The following KPNB1 variants were observed in gnomAD, a reference collection of about 807,000 sequenced individuals.
KPNB1 encodes karyopherin subunit beta 1, also known as importin subunit beta-1.
KPNB1 carries 7 observed loss-of-function variants against 113.0 expected under a neutral mutation model. That is an observed-to-expected ratio of 0.06 (90% CI 0.04 to 0.12). KPNB1 has a LOEUF of 0.12. Among genes scored for constraint, KPNB1 ranks in the 10% least tolerant of loss-of-function variants. KPNB1 has a pLI of 1.00. For synonymous variants in KPNB1, 363 were observed against 378.6 expected, an observed-to-expected ratio of 0.96 and a Z score of 0.48; for missense variants, 400 against 1,054.8, an observed-to-expected ratio of 0.38 and a Z score of 8.60.
chr17:47,677,929 A>T, intron 17 of KPNB1, 117 bp from the exon 18 acceptor site: 1 of 1,057,108 alleles, frequency 9.5e-7, no homozygotes, highest in East Asian at 2.4e-5. Flanking sequence ...TTTGTAAGCT[A>T]TAAAGGACCA....
At chr17:47,664,337 C>T (rs889257182) in intron 8 of KPNB1, 68 bp downstream of exon 8, 27 of 1,024,706 alleles carry the variant, frequency 2.6e-5, no homozygotes, top group East Asian at 2.4e-5. Flanking sequence ...TGATGTTCCC[C>T]TTCTAGGAGA....
chr17:47,651,452 C>A, intron 2 of KPNB1: 2 of 610,916 alleles, frequency 3.3e-6, no homozygotes, highest in Non-Finnish European at 4.1e-6. Flanking sequence ...TCAACATCAA[C>A]AAAGTGACAA....
Position 47,677,077 on chromosome 17 carries a change from A to G in KPNB1, c.2053A>G (p.Ile685Val). 6.2e-7 allele frequency: 1 copy of G among 1,614,146 alleles called. No homozygotes were observed. Among genetic ancestry groups the G allele is most frequent in the Non-Finnish European group, 8.5e-7 (1 of 1,180,022 alleles). ...GDLCRALQSNIIPFCDEVMQL... is the reference protein window; with the variant it reads ...GDLCRALQSNVIPFCDEVMQL... ...CTTGTGCCGTGCCCTGCAATCCAAC[A>G]TCATACCTTTCTGTGACGAGGTGAT... is the stretch of plus-strand genomic sequence containing the variant. The change falls in exon 17 of 22, where the codon ATC becomes GTC. Residue 685 changes from isoleucine (I) to valine (V), a missense_variant. Ile to Val is a conservative substitution (Grantham distance 29, BLOSUM62 3). Coordinates refer to ENST00000290158, the MANE Select transcript of KPNB1 (RefSeq NM_002265.6).
intron 11 of KPNB1, among the ~76,000 whole-genome samples, 182 bp downstream of exon 11, chr17:47,670,051 A>G (rs2030401515): frequency 6.6e-6 from 1 of 152,218 alleles, no homozygotes; most frequent in Non-Finnish European, 1.5e-5. Flanking sequence ...CACTTGACTT[A>G]TGGTTACTGG....
At chr17:47,676,828 T>TA (rs1555619350) in intron 16 of KPNB1, among the ~76,000 whole-genome samples, 192 bp from the exon 17 acceptor site, 5 of 150,574 alleles carry the variant, frequency 3.3e-5, no homozygotes, top group Non-Finnish European at 3.0e-5. Context: ...TTTTTTTTTT[T>TA]AACTTTATCA....
In KPNB1 at chr17:47,683,197, C is replaced by G. The variant is rs1242804854; in HGVS notation, c.*793C>G. On this transcript the variant is annotated 3_prime_UTR_variant, in exon 22 of 22. Coordinates refer to ENST00000290158, the MANE Select transcript of KPNB1 (RefSeq NM_002265.6). ...GGTTTTGTTTTTTGTTTTTTTTACT[C>G]TAGGGAAAACACTGACGAATGGTCA... 1.1e-5 allele frequency: 1 copy of G among 92,298 alleles called. No homozygotes were observed. The highest frequency in any genetic ancestry group is 4.4e-5 in the African/African-American group (1 of 22,968). 5.7% of individuals were successfully genotyped at this position (92,298 alleles called of 1,614,324 possible). A position where few individuals can be genotyped will look rare whatever the true frequency, so the allele number is the denominator to read the frequency against.
intron 2 of KPNB1, among the ~76,000 whole-genome samples, chr17:47,652,394 CG>C (rs1290849376): frequency 6.6e-6 from 1 of 152,086 alleles, no homozygotes; most frequent in Non-Finnish European, 1.5e-5. Flanking sequence ...CCTTGCAATT[CG>C]GGGGTCTAAC....
intron 17 of KPNB1, among the ~76,000 whole-genome samples, chr17:47,677,407 C>T (rs541584271): frequency 1.4e-5 from 2 of 143,838 alleles, no homozygotes; most frequent in African/African-American, 2.6e-5. Flanking sequence ...GGGAGGTGGA[C>T]GTTGCAGTGA....
chr17:47,652,785 C>G lies in KPNB1; in HGVS notation c.191C>G (p.Ser64Cys). The G allele has an allele frequency of 6.2e-7, 1 of 1,613,170 alleles. No homozygotes were observed. The highest frequency in any genetic ancestry group is 8.5e-7 in the Non-Finnish European group (1 of 1,179,766). The change falls in exon 3 of 22, where the codon TCT (serine) becomes TGT (cysteine). Residue 64 changes from serine (S) to cysteine (C), a missense_variant. Ser to Cys is a moderately radical substitution (Grantham distance 112). Around this residue, in one of 2 missense-constraint regions of KPNB1, gnomAD observed 285 missense variants for 627.0 expected, o/e 0.45. Transcript: ENST00000290158. ...GCAGCTGGTCTACAAATCAAGAACT[C>G]TTTGACATCTAAAGATCCAGATATC... The part of the protein sequence containing the change: ...RVAAGLQIKN[S>C]LTSKDPDIKA...
intron 13 of KPNB1, 121 bp downstream of exon 13, chr17:47,673,286 A>G (rs878894192): frequency 9.2e-7 from 1 of 1,086,088 alleles, no homozygotes; most frequent in Non-Finnish European, 1.3e-6. Flanking sequence ...TCAGAAAGAT[A>G]ATAAAGCTTA....
rs1597918746 is a variant in KPNB1 at position 47,650,050 on chromosome 17, A to C, written c.-195A>C. On this transcript the variant is annotated 5_prime_UTR_variant, in exon 1 of 22. Coordinates refer to ENST00000290158, the MANE Select transcript of KPNB1 (RefSeq NM_002265.6). The stretch of plus-strand genomic sequence containing the variant: ...GCCAGCAGCCCATTTGGAGGGAGGA[A>C]GTAAGGGAAGAGGAGAGGAAGGGGA... 8.1e-6 allele frequency: 11 copies of C among 1,353,134 alleles called. No homozygotes were observed. Among genetic ancestry groups the C allele is most frequent in the East Asian group, 6.2e-5 (2 of 32,210 alleles). 83.8% of individuals were successfully genotyped at this position (1,353,134 alleles called of 1,614,324 possible).
At chr17:47,673,750 C>G (rs1478533455) in intron 14 of KPNB1, 189 bp downstream of exon 14, 13 of 585,838 alleles carry the variant, frequency 2.2e-5, no homozygotes, top group African/African-American at 1.9e-4. Flanking sequence ...ACCTGTCTGT[C>G]TAGAAAGATT....
chr17:47,672,963 T>G, intron 12 of KPNB1, 55 bp from the exon 13 acceptor site: 1 of 1,545,236 alleles, frequency 6.5e-7, no homozygotes, highest in East Asian at 2.3e-5. Context: ...ATTGTCTATG[T>G]TCTTCCCTGT....
At chr17:47,675,396 T>TTTTTTTTTTTTTTTTTTTTG (rs1191537975) in intron 15 of KPNB1, among the ~76,000 whole-genome samples, 1 of 140,400 alleles carries the variant, frequency 7.1e-6, no homozygotes, top group Non-Finnish European at 1.5e-5. Context: ...TTTGTTTTTT[T>TTTTTTTTTTTTTTTTTTTTG]TTTGAGACTT....
At position 47,656,985 on chromosome 17, in the gene KPNB1, T is replaced by C. The variant is rs1324787675; in HGVS notation, c.408T>C (p.Asn136=). The C allele has an allele frequency of 6.2e-7, 1 of 1,614,066 alleles. No individual in the cohort carries two copies. Among genetic ancestry groups the C allele is most frequent in the Non-Finnish European group, 8.5e-7 (1 of 1,180,032 alleles). The change falls in exon 4 of 22, where the codon AAT becomes AAC. Residue 136 remains asparagine, a synonymous_variant. Transcript: ENST00000290158. ...AACTCATTCCTCAGCTGGTGGCCAA[T>C]GTCACAAACCCCAACAGCACAGAGC... is the stretch of plus-strand genomic sequence containing the variant. ...WPELIPQLVA[N]VTNPNSTEHM...
chr17:47,679,233 T>G (rs968190549), intron 19 of KPNB1, among the ~76,000 whole-genome samples: 11 of 152,124 alleles, frequency 7.2e-5, no homozygotes, highest in Non-Finnish European at 1.2e-4. Flanking sequence ...GCCCTCTGCT[T>G]CTTTTTCTCA....
intron 17 of KPNB1, 102 bp downstream of exon 17, chr17:47,677,229 TC>T: frequency 1.1e-6 from 1 of 940,486 alleles, no homozygotes; most frequent in South Asian, 1.5e-5. Flanking sequence ...TGGCCTGTAA[TC>T]CCAGCATTTT....
chr17:47,650,121 A>ACCCCC lies in KPNB1; in HGVS notation c.-123_-119dup. The ACCCCC allele has an allele frequency of 9.1e-6, 10 of 1,097,306 alleles. No individual in the cohort carries two copies. In the South Asian group the frequency reaches 1.3e-4, roughly 14 times the overall value. 68.0% of individuals were successfully genotyped at this position (1,097,306 alleles called of 1,614,324 possible). ...AGAGCCGGTGAATGGGTTTGTGGTG[A>ACCCCC]CCCCCGCCCCCCACCCCACCCTCCC... On this transcript the variant is annotated 5_prime_UTR_variant, in exon 1 of 22. Transcript: ENST00000290158.
At chr17:47,673,222 C>T (rs1790337703) in intron 13 of KPNB1, 57 bp downstream of exon 13, 4 of 1,516,780 alleles carry the variant, frequency 2.6e-6, no homozygotes, top group Non-Finnish European at 2.7e-6. Flanking sequence ...CTTTTGACAC[C>T]TAGGTCTGTT....
Sources: gnomAD v4.1 joint callset for allele counts (sites outside exome capture counted in the v4.1 genomes callset) on GRCh38, gnomAD v4.1.1 for gene constraint, gnomAD v4.1.1 regional missense constraint, MANE v1.5 for transcripts, NCBI Gene and HGNC (gene_info 2026-07-23, HGNC 2026-07-21) for gene names.